TLN2: variants seen among roughly 807,000 people sequenced by gnomAD.
The protein encoded by TLN2 is talin 2.
A neutral mutation model predicts 294.7 loss-of-function variants in TLN2; 118 were observed. That is an observed-to-expected ratio of 0.40 (90% CI 0.34 to 0.47). The LOEUF is 0.47. Among genes scored for constraint, TLN2 ranks in the 20% least tolerant of loss-of-function variants. The probability of loss-of-function intolerance (pLI) is 0.84; values close to 1 mark genes in which losing one functional copy is unlikely to be tolerated. For synonymous variants in TLN2, 1,431 were observed against 1,304.5 expected (o/e 1.10, Z -2.09); for missense variants, 3,083 against 3,282.2 (o/e 0.94, Z 1.48).
chr15:62,551,763 T>C (rs1039543486), intron 1 of TLN2, among the ~76,000 whole-genome samples: 1 of 152,194 alleles, frequency 6.6e-6, no homozygotes, highest in African/African-American at 2.4e-5. Flanking sequence ...CCAGCTACCA[T>C]TACAAGCTCA....
intron 41 of TLN2, among the ~76,000 whole-genome samples, chr15:62,769,433 G>A (rs541572179): frequency 8.7e-4 from 132 of 152,278 alleles, no homozygotes; most frequent in African/African-American, 3.0e-3. Flanking sequence ...CCCTGGCGTC[G>A]CTCATGTCTG....
At chr15:62,710,403 G>A (rs2059348417) in intron 21 of TLN2, among the ~76,000 whole-genome samples, 2 of 152,164 alleles carry the variant, frequency 1.3e-5, no homozygotes, top group African/African-American at 4.8e-5. Flanking sequence ...GAGTTTTGGT[G>A]TTTTTAGAAA....
chr15:62,647,624 C>T (rs1385626253), intron 4 of TLN2, among the ~76,000 whole-genome samples, 178 bp downstream of exon 4: 1 of 152,214 alleles, frequency 6.6e-6, no homozygotes, highest in Non-Finnish European at 1.5e-5. Context: ...ATTACAGTGA[C>T]CATGCCCACT....
chr15:62,514,975 G>A (rs1595986719), intron 1 of TLN2, among the ~76,000 whole-genome samples: 4 of 152,282 alleles, frequency 2.6e-5, no homozygotes, highest in Admixed American at 2.6e-4. Flanking sequence ...GTGGAGAGGA[G>A]CAGGTATGAG....
At chr15:62,763,249 T>G in intron 39 of TLN2, 1 of 200,094 alleles carries the variant, frequency 5.0e-6, no homozygotes, top group Non-Finnish European at 9.8e-6. Flanking sequence ...TGAGTAAAAG[T>G]CCTGTGCTTA....
At chr15:62,789,910 C>G (rs1567610554) in intron 45 of TLN2, among the ~76,000 whole-genome samples, 2 of 152,202 alleles carry the variant, frequency 1.3e-5, no homozygotes, top group Admixed American at 1.3e-4. Flanking sequence ...ACCTTTCACT[C>G]ATGTGGGTGG....
chr15:62,500,922 A>G (rs779788933), intron 1 of TLN2, among the ~76,000 whole-genome samples: 8 of 152,238 alleles, frequency 5.3e-5, no homozygotes, highest in Non-Finnish European at 1.2e-4. Flanking sequence ...GCCCCACCAC[A>G]GTCCCTGCAG....
rs368197225 is a variant in TLN2, at chr15:62,836,117, G to A, written c.7374+44G>A. 2.3e-5 allele frequency: 36 copies of A among 1,560,120 alleles called. 1 individual carries two copies. The highest frequency in any genetic ancestry group is 1.9e-4 in the African/African-American group (14 of 73,880). On this transcript the variant is annotated intron_variant, in intron 57 of 58. Coordinates refer to ENST00000636159, the MANE Select transcript of TLN2 (RefSeq NM_015059.3). ...GGTGGGAAAATACTCCTGTTGGAGCGGGTAAGTGTCACCAGAGGGGACAAG... is the reference window on the plus strand; with the variant it reads ...GGTGGGAAAATACTCCTGTTGGAGCAGGTAAGTGTCACCAGAGGGGACAAG...
chr15:62,800,001 G>T (rs1272659426), intron 48 of TLN2, among the ~76,000 whole-genome samples: 1 of 152,230 alleles, frequency 6.6e-6, no homozygotes, highest in Non-Finnish European at 1.5e-5. Flanking sequence ...GGTCAGGTGG[G>T]GATTTTTACT....
At chr15:62,452,071 T>G (rs2036186538) in intron 1 of TLN2, among the ~76,000 whole-genome samples, 1 of 152,106 alleles carries the variant, frequency 6.6e-6, no homozygotes, top group African/African-American at 2.4e-5. Context: ...CAAGCTTCAT[T>G]GCCTGTGGGG....
chr15:62,520,550 G>T (rs562911557), intron 1 of TLN2, among the ~76,000 whole-genome samples: 7 of 152,142 alleles, frequency 4.6e-5, no homozygotes, highest in Non-Finnish European at 8.8e-5. Context: ...ATTGTGAATA[G>T]GTTTTGTTAT....
rs200038550 is a variant in TLN2 at position 62,796,312 on chromosome 15, C to G, written c.6050+19C>G. 4.6e-5 allele frequency: 73 copies of G among 1,604,228 alleles called. No homozygotes were observed. Among genetic ancestry groups the G allele is most frequent in the Non-Finnish European group, 6.2e-5 (73 of 1,175,300 alleles). ...ACCACAGGTACGTGGGGGTCCTGGACGGGGAGAGGTTCAGGCTGGCCTGCC... is the reference window on the plus strand; with the variant it reads ...ACCACAGGTACGTGGGGGTCCTGGAGGGGGAGAGGTTCAGGCTGGCCTGCC... On this transcript the variant is annotated intron_variant, in intron 47 of 58. Coordinates refer to ENST00000636159, the MANE Select transcript of TLN2 (RefSeq NM_015059.3).
chr15:62,518,511 T>C (rs1384635522), intron 1 of TLN2, among the ~76,000 whole-genome samples: 2 of 152,226 alleles, frequency 1.3e-5, no homozygotes, highest in Non-Finnish European at 2.9e-5. Flanking sequence ...ATTAAATTTC[T>C]ATCTACTTTA....
intron 8 of TLN2, among the ~76,000 whole-genome samples, chr15:62,656,984 A>T (rs1319740163): frequency 1.3e-5 from 2 of 152,138 alleles, no homozygotes; most frequent in African/African-American, 4.8e-5. Context: ...TAGTGGACGG[A>T]AGGATGGCAT....
chr15:62,487,343 A>G (rs2140398893), intron 1 of TLN2, among the ~76,000 whole-genome samples: 1 of 152,328 alleles, frequency 6.6e-6, no homozygotes. Flanking sequence ...TCAGGAGGCC[A>G]CCATGTAGGA....
At chr15:62,565,179 C>T (rs1469082408) in intron 1 of TLN2, among the ~76,000 whole-genome samples, 4 of 151,940 alleles carry the variant, frequency 2.6e-5, no homozygotes, top group Admixed American at 6.6e-5. Context: ...AAAACCTTTC[C>T]CTTGAGGTAG....
rs752317675 is a variant in TLN2, at chr15:62,631,454, CTCTT to C, written c.-37+12987_-37+12990del. Among the ~76,000 whole-genome samples, 71 of 150,030 alleles carry C rather than the reference CTCTT, an allele frequency of 4.7e-4. 1 individual carries two copies. The highest frequency in any genetic ancestry group is 3.3e-3 in the Admixed American group (50 of 15,116). Reference sequence around the variant, plus strand: ...CCTTTCTTCCTTTCTTCCTTCCTTTCTCTTTCTTTCTCTCTCTCTTCCTCTTTTC... The same window carrying C: ...CCTTTCTTCCTTTCTTCCTTCCTTTCTCTTTCTCTCTCTCTTCCTCTTTTC... On this transcript the variant is annotated intron_variant, in intron 3 of 58. Coordinates refer to ENST00000636159, the MANE Select transcript of TLN2 (RefSeq NM_015059.3).
intron 19 of TLN2, among the ~76,000 whole-genome samples, chr15:62,704,644 T>G (rs560305867): frequency 6.4e-4 from 97 of 152,292 alleles, no homozygotes; most frequent in African/African-American, 2.3e-3. Flanking sequence ...ATGATAGAGG[T>G]TGAATTCATA....
At chr15:62,583,493 C>A (rs72755803) in intron 1 of TLN2, among the ~76,000 whole-genome samples, 5 of 147,916 alleles carry the variant, frequency 3.4e-5, no homozygotes, top group Non-Finnish European at 6.0e-5. Context: ...TCCTCTCGCC[C>A]TTCTTTTTTT....
Sources: gnomAD v4.1 joint callset for allele counts (sites outside exome capture counted in the v4.1 genomes callset) on GRCh38, gnomAD v4.1.1 for gene constraint, MANE v1.5 for transcripts, NCBI Gene and HGNC (gene_info 2026-07-23, HGNC 2026-07-21) for gene names.